The following GNAQ variants were observed in gnomAD, a reference collection of about 807,000 sequenced individuals.
GNAQ encodes the protein guanine nucleotide-binding protein G(q) subunit alpha.
GNAQ carries 8 observed loss-of-function variants against 43.9 expected under a neutral mutation model. The observed-to-expected ratio is 0.18, with a 90% confidence interval of 0.11 to 0.33. The LOEUF (loss-of-function observed/expected upper bound fraction) is 0.33, where lower values mean the gene tolerates loss of function less well. Ranked by LOEUF, GNAQ falls within the 10% of genes least tolerant of loss-of-function variation. The pLI is 1.00. For synonymous variants in GNAQ, 155 were observed against 170.7 expected, an observed-to-expected ratio of 0.91 and a Z score of 0.71; for missense variants, 158 against 450.8, an observed-to-expected ratio of 0.35 and a Z score of 5.88.
chr9:77,753,315 C>G (rs973784736), intron 5 of GNAQ, among the ~76,000 whole-genome samples: 7 of 152,194 alleles, frequency 4.6e-5, no homozygotes, highest in African/African-American at 1.7e-4. Flanking sequence ...CCACCCACCC[C>G]CTGAAGAAAA....
intron 2 of GNAQ, among the ~76,000 whole-genome samples, chr9:77,894,406 A>ATATATATTTAATAGAAAAAATAT (rs1564143637): frequency 0.082 from 558 of 6,832 alleles, 17 homozygotes; most frequent in African/African-American, 0.2. Context: ...TATATTTTAT[A>ATATATATTTAATAGAAAAAATAT]TATATATTTA....
At chr9:78,008,179 C>G (rs11145653) in intron 1 of GNAQ, among the ~76,000 whole-genome samples, 1 of 152,052 alleles carries the variant, frequency 6.6e-6, no homozygotes, top group Non-Finnish European at 1.5e-5. Context: ...ACCCATGTAC[C>G]TCTACACAGG....
intron 5 of GNAQ, among the ~76,000 whole-genome samples, chr9:77,791,641 A>C (rs1826576309): frequency 6.6e-6 from 1 of 152,226 alleles, no homozygotes; most frequent in Admixed American, 6.5e-5. Context: ...AAGCAGACCT[A>C]CATAAAATTA....
intron 2 of GNAQ, among the ~76,000 whole-genome samples, chr9:77,850,929 T>TAG (rs754012568): frequency 7.9e-5 from 12 of 152,118 alleles, no homozygotes; most frequent in Non-Finnish European, 1.6e-4. Context: ...CACAGGGTCT[T>TAG]AGAGCTCCTG....
chr9:77,762,331 C>T (rs1223669930), intron 5 of GNAQ, among the ~76,000 whole-genome samples: 1 of 145,828 alleles, frequency 6.9e-6, no homozygotes, highest in Non-Finnish European at 1.5e-5. Flanking sequence ...CCAGCCGCCC[C>T]ACCTGGGAGG....
chr9:78,004,248 G>A (rs141355834), intron 1 of GNAQ, among the ~76,000 whole-genome samples: 2 of 147,556 alleles, frequency 1.4e-5, no homozygotes, highest in African/African-American at 5.0e-5. Context: ...CTGAACTGCA[G>A]CCTGGACGAC....
At chr9:77,995,492 A>AT (rs944012537) in intron 1 of GNAQ, among the ~76,000 whole-genome samples, 2 of 152,038 alleles carry the variant, frequency 1.3e-5, no homozygotes, top group African/African-American at 4.8e-5. Context: ...TTATTAACAT[A>AT]TATATATATT....
chr9:77,962,420 A>T (rs1187901787), intron 1 of GNAQ, among the ~76,000 whole-genome samples: 1 of 152,092 alleles, frequency 6.6e-6, no homozygotes, highest in Non-Finnish European at 1.5e-5. Flanking sequence ...AAATCCTAAA[A>T]GCAGCCAGAG....
intron 1 of GNAQ, among the ~76,000 whole-genome samples, chr9:77,975,678 T>C (rs951490934): frequency 6.6e-5 from 10 of 151,930 alleles, no homozygotes; most frequent in Non-Finnish European, 1.0e-4. Context: ...TAGTTGGGAT[T>C]ACACGCGCAC....
chr9:77,761,088 C>A (rs575946864), intron 5 of GNAQ, among the ~76,000 whole-genome samples: 1 of 152,010 alleles, frequency 6.6e-6, no homozygotes. Flanking sequence ...CGTCTCTGCC[C>A]GGCAGCCGCC....
At position 78,025,549 on chromosome 9, in the gene GNAQ, T is replaced by C. The variant is rs563499430; in HGVS notation, c.136+5551A>G. Among the ~76,000 whole-genome samples the C allele has an allele frequency of 1.6e-4, 24 of 152,314 alleles. No homozygotes were observed. The East Asian group carries it at 4.2e-3, about 27-fold the overall frequency. On this transcript the variant is annotated intron_variant, in intron 1 of 6. Transcript: ENST00000286548. ...ATTACAAAAGTTTTCCTTTGAAAAA[T>C]GTGACTGCCTCCCGTTCCAACCAGG... is the stretch of plus-strand genomic sequence containing the variant.
intron 2 of GNAQ, among the ~76,000 whole-genome samples, chr9:77,859,328 T>C (rs905601458): frequency 5.9e-5 from 9 of 152,204 alleles, no homozygotes; most frequent in African/African-American, 1.9e-4. Context: ...TCCTATTCAC[T>C]CCCTTAATGG....
chr9:77,836,532 A>G (rs1827389137), intron 2 of GNAQ, among the ~76,000 whole-genome samples: 1 of 152,192 alleles, frequency 6.6e-6, no homozygotes, highest in Admixed American at 6.5e-5. Context: ...GGGAAGAAAA[A>G]TCTTATTGCC....
At chr9:78,026,258 TGG>T (rs1172054036) in intron 1 of GNAQ, among the ~76,000 whole-genome samples, 1 of 152,136 alleles carries the variant, frequency 6.6e-6, no homozygotes, top group Non-Finnish European at 1.5e-5. Context: ...GGGGTAAGGA[TGG>T]GACATTATAT....
At chr9:77,776,904 A>G (rs1316944060) in intron 5 of GNAQ, among the ~76,000 whole-genome samples, 2 of 151,834 alleles carry the variant, frequency 1.3e-5, no homozygotes, top group Non-Finnish European at 2.9e-5. Context: ...GCTGATCTTA[A>G]AATTTATGTG....
intron 1 of GNAQ, among the ~76,000 whole-genome samples, chr9:77,972,903 A>T (rs554941533): frequency 6.6e-6 from 1 of 150,758 alleles, no homozygotes; most frequent in East Asian, 2.0e-4. Context: ...CAGTGAGCCG[A>T]GATCGTACCA....
At chr9:77,926,437 A>G (rs1829073701) in intron 1 of GNAQ, among the ~76,000 whole-genome samples, 1 of 152,240 alleles carries the variant, frequency 6.6e-6, no homozygotes, top group South Asian at 2.1e-4. Context: ...TTCTACTAGT[A>G]GATTATTTCA....
chr9:77,739,780 C>T (rs1825626399), intron 5 of GNAQ, among the ~76,000 whole-genome samples: 1 of 152,188 alleles, frequency 6.6e-6, no homozygotes. Flanking sequence ...TGTCCACTTT[C>T]TGATCTTACA....
At chr9:77,810,236 AT>A in intron 3 of GNAQ, among the ~76,000 whole-genome samples, 1 of 151,184 alleles carries the variant, frequency 6.6e-6, no homozygotes, top group South Asian at 2.1e-4. Context: ...CTATCTATCT[AT>A]CTATCTATCT....
Sources: allele counts gnomAD v4.1 joint callset (sites outside exome capture counted in the v4.1 genomes callset), GRCh38; gene constraint gnomAD v4.1.1; transcripts MANE v1.5; gene names NCBI Gene and HGNC (gene_info 2026-07-23, HGNC 2026-07-21).